The following CBLN2 variants were observed in gnomAD, a reference collection of about 807,000 sequenced individuals.
CBLN2 encodes the protein cerebellin 2 precursor, also known as cerebellin-2.
A neutral mutation model predicts 15.0 loss-of-function variants in CBLN2; 7 were observed. The ratio of observed to expected loss-of-function variants is 0.47; its 90% CI spans 0.27 to 0.88. CBLN2 has a LOEUF of 0.88. CBLN2 is among the 40% of genes least tolerant of loss of function. The probability of loss-of-function intolerance (pLI) is 0.14; values close to 1 mark genes in which losing one functional copy is unlikely to be tolerated. For synonymous variants in CBLN2, 149 were observed against 135.2 expected (o/e 1.10, Z -0.71); for missense variants, 242 against 304.5 (o/e 0.79, Z 1.53).
chr18:72,541,832 T>C lies in CBLN2; in HGVS notation c.329A>G (p.Asn110Ser). 2 of 1,586,672 alleles carry C rather than the reference T, an allele frequency of 1.3e-6. No individual in the cohort carries two copies. The highest frequency in any genetic ancestry group is 1.7e-6 in the Non-Finnish European group (2 of 1,168,906). The change falls in exon 3 of 5, where the codon AAC becomes AGC. Residue 110 changes from asparagine (N) to serine (S), a missense_variant. Physicochemically the swap from Asn to Ser is conservative, Grantham distance 46. This residue lies in a region of CBLN2 where 89 missense variants were observed against 114.2 expected (regional missense o/e 0.78). Coordinates refer to ENST00000269503, the MANE Select transcript of CBLN2 (RefSeq NM_182511.4). ...STNHEPSEMSNRTMTIYFDQV... is the reference protein window; with the variant it reads ...STNHEPSEMSSRTMTIYFDQV... Reference sequence around the variant, plus strand: ...GTCGAAATAGATGGTCATGGTGCGGTTGCTCATCTCGGACGGCTCGTGGTT... The same window carrying C: ...GTCGAAATAGATGGTCATGGTGCGGCTGCTCATCTCGGACGGCTCGTGGTT...
chr18:72,609,236 C>G (rs766025695), intron 1 of CBLN2, among the ~76,000 whole-genome samples: 2 of 152,066 alleles, frequency 1.3e-5, no homozygotes, highest in African/African-American at 2.4e-5. Context: ...TATGGGCTCC[C>G]ATAATTTATA....
chr18:72,635,780 A>G (rs1387412454), intron 1 of CBLN2, among the ~76,000 whole-genome samples: 1 of 152,156 alleles, frequency 6.6e-6, no homozygotes, highest in East Asian at 1.9e-4. Flanking sequence ...TTAGGTTATC[A>G]TTTAAAAGAA....
At chr18:72,609,336 G>C (rs2144952096) in intron 1 of CBLN2, among the ~76,000 whole-genome samples, 1 of 152,000 alleles carries the variant, frequency 6.6e-6, no homozygotes, top group African/African-American at 2.4e-5. Flanking sequence ...GAGGTTATAG[G>C]GGTGGTCACT....
At chr18:72,567,229 A>G (rs1299382697) in intron 1 of CBLN2, among the ~76,000 whole-genome samples, 1 of 152,248 alleles carries the variant, frequency 6.6e-6, no homozygotes, top group Non-Finnish European at 1.5e-5. Context: ...ATAAATATGT[A>G]TGATTATCAC....
At chr18:72,617,342 C>A (rs2069668964) in intron 1 of CBLN2, among the ~76,000 whole-genome samples, 1 of 152,066 alleles carries the variant, frequency 6.6e-6, no homozygotes, top group Non-Finnish European at 1.5e-5. Flanking sequence ...ACCATGAATT[C>A]TACTAAATAG....
chr18:72,548,333 T>C (rs2069171652), upstream of CBLN2, among the ~76,000 whole-genome samples: 1 of 152,212 alleles, frequency 6.6e-6, no homozygotes, highest in South Asian at 2.1e-4. Flanking sequence ...CTTTTTGTTG[T>C]TTCCAAAACT....
At chr18:72,594,488 T>C (rs1023287329) in intron 1 of CBLN2, among the ~76,000 whole-genome samples, 7 of 152,048 alleles carry the variant, frequency 4.6e-5, no homozygotes, top group Admixed American at 2.0e-4. Context: ...GTATCAAGGT[T>C]ATACTGTCCT....
chr18:72,579,007 AC>A (rs1192286169), intron 1 of CBLN2, among the ~76,000 whole-genome samples: 7 of 152,156 alleles, frequency 4.6e-5, no homozygotes, highest in African/African-American at 1.4e-4. Context: ...TCCTACTGTC[AC>A]CAAGCCTTAG....
intron 1 of CBLN2, chr18:72,618,710 C>G: frequency 1.4e-6 from 1 of 722,722 alleles, no homozygotes; most frequent in South Asian, 1.3e-5. Flanking sequence ...AGGCGCTTTG[C>G]CTTCATAATC....
At chr18:72,598,343 G>C (rs986083402) in intron 1 of CBLN2, among the ~76,000 whole-genome samples, 1 of 152,154 alleles carries the variant, frequency 6.6e-6, no homozygotes, top group Non-Finnish European at 1.5e-5. Context: ...AATATCATCT[G>C]GAAGCTAGGG....
intron 1 of CBLN2, among the ~76,000 whole-genome samples, chr18:72,551,241 T>TGGGTA (rs1283589537): frequency 4.6e-5 from 7 of 152,296 alleles, no homozygotes; most frequent in African/African-American, 1.4e-4. Context: ...AAAATGTTTA[T>TGGGTA]ATATATACAC....
At chr18:72,557,283 T>C (rs868414437) in intron 1 of CBLN2, among the ~76,000 whole-genome samples, 25 of 152,330 alleles carry the variant, frequency 1.6e-4, no homozygotes, top group East Asian at 1.2e-3. Flanking sequence ...CAGTCTCTCA[T>C]TGATGGGCAT....
At chr18:72,625,812 C>CTATATATATATA (rs1356605655) in intron 1 of CBLN2, among the ~76,000 whole-genome samples, 14 of 69,068 alleles carry the variant, frequency 2.0e-4, no homozygotes, top group South Asian at 6.3e-4. Flanking sequence ...CTCTCTCTCT[C>CTATATATATATA]TCTCTCTATA....
At chr18:72,638,436 A>T (rs1355290630) in exon 1 of CBLN2, 1 of 397,920 alleles carries the variant, frequency 2.5e-6, no homozygotes, top group Non-Finnish European at 4.4e-6. Flanking sequence ...AATTTCACTT[A>T]GGATCTATCC....
At chr18:72,564,418 G>A (rs911590737) in intron 1 of CBLN2, among the ~76,000 whole-genome samples, 6 of 151,930 alleles carry the variant, frequency 3.9e-5, no homozygotes, top group South Asian at 4.1e-4. Flanking sequence ...AAATACAGTC[G>A]AGAGCTTCAG....
At chr18:72,618,497 C>A (rs2069677905) in intron 1 of CBLN2, 2 of 676,614 alleles carry the variant, frequency 3.0e-6, no homozygotes, top group Middle Eastern at 4.3e-4. Context: ...CAAGGTCACA[C>A]AAGGTGGATG....
Position 72,622,550 on chromosome 18 carries a change from ATTG to A in CBLN2, c.15+15772_15+15774del, listed in dbSNP as rs201375151. Among the ~76,000 whole-genome samples the A allele has an allele frequency of 2.0e-3, 304 of 152,234 alleles. 4 individuals carry two copies. In the East Asian group the frequency reaches 0.05, roughly 25 times the overall value. On this transcript the variant is annotated intron_variant, in intron 1 of 2. Coordinates refer to the CBLN2 transcript ENST00000581073. ...AATTTGCTCAAATTTCTAGTGCTGA[ATTG>A]TTGCCTTAGATTCCCAGGCTTCCCG...
chr18:72,564,136 C>T (rs779571624), intron 1 of CBLN2, among the ~76,000 whole-genome samples: 188 of 152,156 alleles, frequency 1.2e-3, no homozygotes, highest in Non-Finnish European at 1.0e-3. Flanking sequence ...TGGACACACA[C>T]ACAAAATTAA....
chr18:72,621,346 T>C (rs1278911556), intron 1 of CBLN2, among the ~76,000 whole-genome samples: 1 of 152,198 alleles, frequency 6.6e-6, no homozygotes, highest in Non-Finnish European at 1.5e-5. Flanking sequence ...TTACGTGATA[T>C]TTTTGATAGA....
Sources: gnomAD v4.1 joint callset for allele counts (sites outside exome capture counted in the v4.1 genomes callset) on GRCh38, gnomAD v4.1.1 for gene constraint, gnomAD v4.1.1 regional missense constraint, MANE v1.5 for transcripts, NCBI Gene and HGNC (gene_info 2026-07-23, HGNC 2026-07-21) for gene names.